Variants in SBF2 observed in about 807,000 individuals in gnomAD.
SBF2 encodes myotubularin-related protein 13.
A neutral mutation model predicts 225.2 loss-of-function variants in SBF2; 112 were observed. That is an observed-to-expected ratio of 0.50 (90% confidence interval 0.43 to 0.58). The LOEUF (loss-of-function observed/expected upper bound fraction) is 0.58, where lower values mean the gene tolerates loss of function less well. Ranked by LOEUF, SBF2 falls within the 20% of genes least tolerant of loss-of-function variation. The pLI is 0.00. For missense variants in SBF2, 1,996 were observed against 2,206.2 expected, an observed-to-expected ratio of 0.90 and a Z score of 1.91; for synonymous variants, 763 against 773.3, an observed-to-expected ratio of 0.99 and a Z score of 0.22.
intron 2 of SBF2, among the ~76,000 whole-genome samples, chr11:10,089,647 GAAAT>G (rs1306485385): frequency 4.0e-5 from 6 of 151,876 alleles, no homozygotes; most frequent in African/African-American, 1.5e-4. Context: ...ACTTGGAAAT[GAAAT>G]AAATAAAGGT....
At chr11:10,071,378 T>C (rs955216855) in intron 2 of SBF2, among the ~76,000 whole-genome samples, 1 of 150,656 alleles carries the variant, frequency 6.6e-6, no homozygotes, top group African/African-American at 2.4e-5. Context: ...ACCATTCTCC[T>C]GCTTCAGCCT....
intron 32 of SBF2, among the ~76,000 whole-genome samples, chr11:9,796,843 T>C (rs1853155798): frequency 6.6e-6 from 1 of 152,102 alleles, no homozygotes; most frequent in African/African-American, 2.4e-5. Flanking sequence ...GTGAATGACA[T>C]GGGAGGCAGA....
chr11:10,079,386 C>T (rs1951266367), intron 2 of SBF2, among the ~76,000 whole-genome samples: 1 of 152,172 alleles, frequency 6.6e-6, no homozygotes, highest in Non-Finnish European at 1.5e-5. Context: ...CTACATCCCC[C>T]TATTTATCTA....
chr11:10,188,004 A>T (rs776309706), intron 2 of SBF2, among the ~76,000 whole-genome samples: 1 of 152,186 alleles, frequency 6.6e-6, no homozygotes, highest in Non-Finnish European at 1.5e-5. Flanking sequence ...ATCTAATAAC[A>T]TCCCTGTAGG....
At chr11:10,230,924 C>T (rs1386208823) in intron 1 of SBF2, among the ~76,000 whole-genome samples, 1 of 152,182 alleles carries the variant, frequency 6.6e-6, no homozygotes, top group Non-Finnish European at 1.5e-5. Flanking sequence ...TGGTTCCATT[C>T]TCCCCGTCAC....
intron 1 of SBF2, among the ~76,000 whole-genome samples, chr11:10,276,350 A>G (rs1476188307): frequency 3.3e-5 from 5 of 152,206 alleles, no homozygotes; most frequent in Admixed American, 1.3e-4. Context: ...AACTCCAGAG[A>G]AGGAGGACAG....
At chr11:10,081,124 A>G (rs1951347698) in intron 2 of SBF2, among the ~76,000 whole-genome samples, 1 of 152,196 alleles carries the variant, frequency 6.6e-6, no homozygotes, top group Non-Finnish European at 1.5e-5. Flanking sequence ...CTATACAAGG[A>G]ATATATCAAC....
intron 16 of SBF2, among the ~76,000 whole-genome samples, chr11:9,901,853 C>T (rs1412966868): frequency 7.9e-5 from 12 of 152,100 alleles, no homozygotes; most frequent in African/African-American, 2.9e-4. Flanking sequence ...CCTTACTGGC[C>T]AGGATGGAAT....
At chr11:10,106,169 AC>A (rs1245376591) in intron 2 of SBF2, among the ~76,000 whole-genome samples, 2 of 151,966 alleles carry the variant, frequency 1.3e-5, no homozygotes, top group African/African-American at 4.8e-5. Flanking sequence ...TAGTTTTTGA[AC>A]CCTTACCCCA....
At chr11:10,266,871 T>C (rs1962048293) in intron 1 of SBF2, among the ~76,000 whole-genome samples, 1 of 152,200 alleles carries the variant, frequency 6.6e-6, no homozygotes, top group South Asian at 2.1e-4. Flanking sequence ...GGCAGATGGT[T>C]TGAGGTCAGG....
chr11:10,224,488 T>C (rs1048186072), intron 1 of SBF2, among the ~76,000 whole-genome samples: 6 of 152,158 alleles, frequency 3.9e-5, no homozygotes, highest in African/African-American at 1.4e-4. Flanking sequence ...GCTTACAAGA[T>C]CTGTATGATC....
At chr11:9,808,708 G>A in intron 31 of SBF2, 193 bp downstream of exon 31, 1 of 512,418 alleles carries the variant, frequency 2.0e-6, no homozygotes, top group South Asian at 2.1e-5. Context: ...CCCGGAGCCA[G>A]AGCTCCAGGC....
chr11:9,922,585 T>A (rs1228424923), intron 16 of SBF2, among the ~76,000 whole-genome samples: 1 of 152,222 alleles, frequency 6.6e-6, no homozygotes, highest in Non-Finnish European at 1.5e-5. Flanking sequence ...TTTTTTTATT[T>A]CACACAAATT....
intron 2 of SBF2, among the ~76,000 whole-genome samples, chr11:10,158,442 C>A (rs182763111): frequency 7.4e-4 from 113 of 152,012 alleles, no homozygotes; most frequent in African/African-American, 2.7e-3. Context: ...TTTAGCCAGA[C>A]TAGGAAAAGA....
intron 12 of SBF2, among the ~76,000 whole-genome samples, chr11:9,991,347 T>C (rs1454169324): frequency 6.6e-6 from 1 of 152,160 alleles, no homozygotes; most frequent in African/African-American, 2.4e-5. Flanking sequence ...GCCTCTTCTT[T>C]AAAAATTCTT....
At chr11:10,025,435 A>G (rs1949016452) in intron 6 of SBF2, among the ~76,000 whole-genome samples, 2 of 151,992 alleles carry the variant, frequency 1.3e-5, no homozygotes, top group Admixed American at 6.6e-5. Flanking sequence ...CCTCTTCCCC[A>G]TAAGATATCG....
intron 1 of SBF2, among the ~76,000 whole-genome samples, chr11:10,227,438 G>C (rs1432430266): frequency 6.6e-6 from 1 of 152,044 alleles, no homozygotes; most frequent in Non-Finnish European, 1.5e-5. Flanking sequence ...TTTCTTCTAG[G>C]GTTTTTATGG....
chr11:10,071,250 TTTTTCTCTCTCTCTC>T (rs1950854588), intron 2 of SBF2, among the ~76,000 whole-genome samples: 1 of 131,268 alleles, frequency 7.6e-6, no homozygotes, highest in African/African-American at 2.6e-5. Context: ...GTTTTCTCTT[TTTTTCTCTCTCTCTC>T]TTTTTTTTTT....
chr11:10,154,236 T>C (rs1955360560), intron 2 of SBF2, among the ~76,000 whole-genome samples: 1 of 152,166 alleles, frequency 6.6e-6, no homozygotes. Flanking sequence ...ATTGATCTTT[T>C]ATCTTGCAAC....
Sources: allele counts gnomAD v4.1 joint callset (sites outside exome capture counted in the v4.1 genomes callset), GRCh38; gene constraint gnomAD v4.1.1; transcripts MANE v1.5; gene names NCBI Gene and HGNC (gene_info 2026-07-23, HGNC 2026-07-21).